Variants in IFT56 observed in about 807,000 individuals in gnomAD.
IFT56 encodes intraflagellar transport protein 56.
At chr7:139,164,386 C>A in the IFT56 span, among the ~76,000 whole-genome samples, 1 of 152,046 alleles carries the variant, frequency 6.6e-6, no homozygotes, top group African/African-American at 2.4e-5. Flanking sequence ...GAATGTCTGC[C>A]TAGAAAAGAG....
the IFT56 span, among the ~76,000 whole-genome samples, chr7:139,166,451 C>CT: frequency 6.6e-6 from 1 of 152,034 alleles, no homozygotes; most frequent in Non-Finnish European, 1.5e-5. Context: ...TTCATCACCT[C>CT]TTTTTTGTTC....
At chr7:139,180,175 A>C in the IFT56 span, among the ~76,000 whole-genome samples, 1 of 149,962 alleles carries the variant, frequency 6.7e-6, no homozygotes, top group African/African-American at 2.5e-5. Flanking sequence ...ATCTCTACTA[A>C]AAATACAAAA....
At chr7:139,150,067 A>G in the IFT56 span, among the ~76,000 whole-genome samples, 6 of 152,194 alleles carry the variant, frequency 3.9e-5, no homozygotes, top group Admixed American at 2.6e-4. Flanking sequence ...AAATTTCTGC[A>G]TGTGTCAAAC....
chr7:139,141,625 A>G, the IFT56 span, among the ~76,000 whole-genome samples: 2 of 152,110 alleles, frequency 1.3e-5, no homozygotes, highest in Non-Finnish European at 2.9e-5. Context: ...TTATACATTG[A>G]AGTATGACTT....
chr7:139,160,578 C>T, the IFT56 span, among the ~76,000 whole-genome samples: 4 of 152,042 alleles, frequency 2.6e-5, no homozygotes, highest in South Asian at 4.1e-4. Flanking sequence ...TACAGGCTCG[C>T]GCTACCACGC....
At chr7:139,134,600 G>C in the IFT56 span, 11 of 1,540,754 alleles carry the variant, frequency 7.1e-6, no homozygotes, top group East Asian at 2.5e-4. Context: ...GTCACTCTCA[G>C]TTTAAATCTG....
chr7:139,189,801 A>C, the IFT56 span: 1 of 156,840 alleles, frequency 6.4e-6, no homozygotes, highest in African/African-American at 2.4e-5. Context: ...GATGTTCAAG[A>C]ATCAGCATCA....
At chr7:139,171,802 T>C in the IFT56 span, among the ~76,000 whole-genome samples, 1 of 152,204 alleles carries the variant, frequency 6.6e-6, no homozygotes, top group Non-Finnish European at 1.5e-5. Flanking sequence ...TTTATGTTGT[T>C]GTTCTTGTTT....
the IFT56 span, chr7:139,165,192 C>T: frequency 3.1e-6 from 5 of 1,613,448 alleles, no homozygotes; most frequent in South Asian, 4.4e-5. Context: ...TGATGTCATT[C>T]CTGAAGCTAG....
At chr7:139,173,187 ACTTTC>A in the IFT56 span, 1 of 555,012 alleles carries the variant, frequency 1.8e-6, no homozygotes, top group South Asian at 2.8e-5. Flanking sequence ...TGTTTATGGC[ACTTTC>A]CTTAATTGGA....
At chr7:139,142,151 C>A in the IFT56 span, 1 of 1,162,550 alleles carries the variant, frequency 8.6e-7, no homozygotes, top group South Asian at 1.3e-5. Context: ...ATATTAGGAT[C>A]AGATGAGTAA....
chr7:139,179,517 G>A, the IFT56 span: 1 of 1,422,462 alleles, frequency 7.0e-7, no homozygotes, highest in South Asian at 1.2e-5. Context: ...CCAATAATGG[G>A]TATTTTTATT....
At chr7:139,161,163 A>G in the IFT56 span, 2 of 647,370 alleles carry the variant, frequency 3.1e-6, no homozygotes, top group Non-Finnish European at 5.2e-6. Context: ...TGTGGAGGAG[A>G]TAAGTTTTAA....
the IFT56 span, among the ~76,000 whole-genome samples, chr7:139,138,387 T>C: frequency 3.9e-5 from 6 of 152,204 alleles, no homozygotes; most frequent in African/African-American, 1.4e-4. Flanking sequence ...AATTAAACTT[T>C]ATCATAGGTG....
chr7:139,148,696 G>A, the IFT56 span, among the ~76,000 whole-genome samples: 10 of 151,462 alleles, frequency 6.6e-5, no homozygotes, highest in Admixed American at 1.3e-4. Flanking sequence ...AGGCCAAGGC[G>A]GGCAGATCAC....
the IFT56 span, among the ~76,000 whole-genome samples, chr7:139,187,710 T>A: frequency 6.6e-6 from 1 of 152,236 alleles, no homozygotes; most frequent in African/African-American, 2.4e-5. Flanking sequence ...CCTCCAGAAA[T>A]CTTTCATTTT....
chr7:139,134,456 A>C, the IFT56 span, among the ~76,000 whole-genome samples: 5 of 151,964 alleles, frequency 3.3e-5, no homozygotes, highest in Non-Finnish European at 7.4e-5. Context: ...TTTTTAGTAG[A>C]GATGCGGTGT....
At chr7:139,178,373 C>T in the IFT56 span, 3 of 1,474,166 alleles carry the variant, frequency 2.0e-6, no homozygotes, top group African/African-American at 2.8e-5. Flanking sequence ...GATAAGATAC[C>T]CTTAGAGATG....
At chr7:139,166,546 A>AGG in the IFT56 span, among the ~76,000 whole-genome samples, 1 of 146,006 alleles carries the variant, frequency 6.8e-6, no homozygotes, top group South Asian at 2.1e-4. Context: ...CTCTTTTTTA[A>AGG]AGAAATCATT....
Sources: gnomAD v4.1 joint callset for allele counts (sites outside exome capture counted in the v4.1 genomes callset) on GRCh38, gnomAD v4.1.1 for gene constraint, MANE v1.5 for transcripts, NCBI Gene and HGNC (gene_info 2026-07-23, HGNC 2026-07-21) for gene names.